Variants in ACSM2A observed in about 807,000 individuals in gnomAD.
ACSM2A encodes acyl-coenzyme A synthetase ACSM2A, mitochondrial.
In ACSM2A, 72 loss-of-function variants were observed where a neutral mutation model predicts 76.6. The observed-to-expected ratio is 0.94, with a 90% CI of 0.78 to 1.14. The LOEUF (loss-of-function observed/expected upper bound fraction) is 1.14, where lower values mean the gene tolerates loss of function less well. Ranked by LOEUF, ACSM2A falls within the 50% of genes most tolerant of loss-of-function variation. The pLI is 0.00. For missense variants in ACSM2A, 684 were observed against 708.5 expected (o/e 0.97, Z 0.39); for synonymous variants, 249 against 255.9 (o/e 0.97, Z 0.26).
chr16:20,458,599 T>A (rs1046396525), intron 1 of ACSM2A, among the ~76,000 whole-genome samples: 4 of 141,962 alleles, frequency 2.8e-5, no homozygotes, highest in African/African-American at 1.0e-4. Flanking sequence ...ATATATTTTT[T>A]ATATATATAT....
intron 6 of ACSM2A, among the ~76,000 whole-genome samples, chr16:20,474,865 A>G (rs1305468528): frequency 6.6e-6 from 1 of 152,212 alleles, no homozygotes; most frequent in Non-Finnish European, 1.5e-5. Context: ...TTGTTTTGAA[A>G]TGTCTATAGA....
In ACSM2A at chr16:20,480,445, G is replaced by C. The variant is rs2141757063; in HGVS notation, c.1282-128G>C. ...GGGTTGGCTGGTTCAGGGCATGTCT[G>C]CCATGTTCAGGTTATACACTGCACA... On this transcript the variant is annotated intron_variant, in intron 10 of 13. Transcript: ENST00000573854. The C allele has an allele frequency of 8.1e-6, 12 of 1,475,334 alleles. No individual in the cohort carries two copies. The African/African-American group carries it at 8.4e-5, about 10-fold the overall frequency. 91.4% of individuals were successfully genotyped at this position (1,475,334 alleles called of 1,614,324 possible).
At chr16:20,470,667 A>G (rs762442189) in intron 4 of ACSM2A, 5 of 378,544 alleles carry the variant, frequency 1.3e-5, no homozygotes, top group African/African-American at 2.1e-5. Flanking sequence ...GAAAACTTGT[A>G]TTAATTCCAC....
intron 3 of ACSM2A, among the ~76,000 whole-genome samples, chr16:20,467,207 T>C (rs2013052647): frequency 6.6e-6 from 1 of 152,158 alleles, no homozygotes; most frequent in Admixed American, 6.5e-5. Context: ...GTCCAGGCCA[T>C]AAAAGAAAGT....
chr16:20,482,158 A>T (rs1453476558), intron 12 of ACSM2A: 2 of 150,942 alleles, frequency 1.3e-5, no homozygotes, highest in African/African-American at 5.0e-5. Context: ...AAAAAAAAGA[A>T]AGAAAAAAAA....
At chr16:20,454,360 T>A (rs553196523) in intron 1 of ACSM2A, among the ~76,000 whole-genome samples, 80 of 151,750 alleles carry the variant, frequency 5.3e-4, no homozygotes, top group African/African-American at 1.1e-3. Flanking sequence ...GAAGCTGGGG[T>A]CACTGACTTT....
intron 1 of ACSM2A, among the ~76,000 whole-genome samples, chr16:20,454,608 GAA>G (rs1323492761): frequency 4.0e-5 from 6 of 151,842 alleles, no homozygotes; most frequent in Admixed American, 3.9e-4. Flanking sequence ...TAGGAAAAGG[GAA>G]AGAGTACTAC....
At chr16:20,485,106 T>C (rs1373582714) in intron 13 of ACSM2A, among the ~76,000 whole-genome samples, 2 of 152,180 alleles carry the variant, frequency 1.3e-5, no homozygotes, top group Middle Eastern at 3.2e-3. Context: ...TGAGTTCATT[T>C]AAGAAGGCAT....
rs564230077 is a variant in ACSM2A, at chr16:20,484,935, C to T, written c.1630-1639C>T. On this transcript the variant is annotated intron_variant, in intron 13 of 13. Transcript: ENST00000573854. ...TGCATATCAGAGTCCACCACATGGA[C>T]TTGCAGCCTCTGAGAATGAGGCAGC... Among the ~76,000 whole-genome samples the T allele has an allele frequency of 1.2e-3, 179 of 152,248 alleles. 1 individual carries two copies. Among genetic ancestry groups the T allele is most frequent in the African/African-American group, 4.0e-3 (166 of 41,526 alleles).
chr16:20,467,280 T>A (rs7195201), intron 3 of ACSM2A, among the ~76,000 whole-genome samples: 55,944 of 151,298 alleles, frequency 0.37, 11,575 homozygotes, highest in East Asian at 0.79. Context: ...CTTGTGGTCC[T>A]TGGTAAGAGT....
At position 20,464,111 on chromosome 16, in the gene ACSM2A, C is replaced by T. The variant is rs1485895852; in HGVS notation, c.178-1406C>T. ...TATTTGCATTTGAAATCTGGTCAGC[C>T]TGCATTTCATTGTCCATAATTCTAT... On this transcript the variant is annotated intron_variant, in intron 2 of 13. Transcript: ENST00000573854. 2.0e-5 allele frequency among the ~76,000 whole-genome samples: 3 copies of T among 152,180 alleles called. No individual in the cohort carries two copies. The East Asian group carries it at 5.8e-4, about 29-fold the overall frequency.
At chr16:20,465,359 A>G (rs1209577393) in intron 2 of ACSM2A, among the ~76,000 whole-genome samples, 158 bp from the exon 3 acceptor site, 5 of 152,208 alleles carry the variant, frequency 3.3e-5, no homozygotes, top group Non-Finnish European at 7.3e-5. Flanking sequence ...TCATATAAAT[A>G]ACAAGTCTTT....
chr16:20,475,540 G>C, intron 7 of ACSM2A, 99 bp downstream of exon 7: 4 of 1,603,748 alleles, frequency 2.5e-6, no homozygotes, highest in Non-Finnish European at 3.4e-6. Context: ...CGCACACAGA[G>C]AGCCCCATGA....
chr16:20,469,383 A>T, intron 3 of ACSM2A, 129 bp from the exon 4 acceptor site: 1 of 1,469,768 alleles, frequency 6.8e-7, no homozygotes, highest in Non-Finnish European at 9.0e-7. Context: ...TTTTATTGAC[A>T]CTCTCTATTG....
intron 1 of ACSM2A, among the ~76,000 whole-genome samples, chr16:20,454,642 A>C (rs1393105564): frequency 6.6e-6 from 1 of 151,948 alleles, no homozygotes; most frequent in Non-Finnish European, 1.5e-5. Flanking sequence ...ATCCCATGGG[A>C]AAAAAGAATC....
At position 20,464,120 on chromosome 16, in the gene ACSM2A, A is replaced by G. The variant is rs138506238; in HGVS notation, c.178-1397A>G. On this transcript the variant is annotated intron_variant, in intron 2 of 13. Transcript: ENST00000573854. Reference sequence around the variant, plus strand: ...TTGAAATCTGGTCAGCCTGCATTTCATTGTCCATAATTCTATCAGCATTTT... The same window carrying G: ...TTGAAATCTGGTCAGCCTGCATTTCGTTGTCCATAATTCTATCAGCATTTT... 9.5e-3 allele frequency among the ~76,000 whole-genome samples: 1,453 copies of G among 152,316 alleles called. 27 individuals are homozygous for G. Among genetic ancestry groups the G allele is most frequent in the Middle Eastern group, 0.024 (7 of 294 alleles).
At chr16:20,480,978 T>C (rs1457270388) in intron 12 of ACSM2A, 57 bp downstream of exon 12, 3 of 1,602,918 alleles carry the variant, frequency 1.9e-6, no homozygotes, top group African/African-American at 1.3e-5. Flanking sequence ...GGCAGTGTAG[T>C]ATGATGGTTT....
chr16:20,486,300 G>A (rs2014379803), intron 13 of ACSM2A, among the ~76,000 whole-genome samples: 2 of 152,352 alleles, frequency 1.3e-5, no homozygotes, highest in South Asian at 4.1e-4. Context: ...AGAGACTGAT[G>A]TCAAGGCTCA....
intron 2 of ACSM2A, among the ~76,000 whole-genome samples, chr16:20,462,942 C>T (rs1400322272): frequency 6.6e-6 from 1 of 151,558 alleles, no homozygotes; most frequent in Non-Finnish European, 1.5e-5. Context: ...AACAAATAGA[C>T]AAAAAATAAA....
Sources: allele counts gnomAD v4.1 joint callset (sites outside exome capture counted in the v4.1 genomes callset), GRCh38; gene constraint gnomAD v4.1.1; transcripts MANE v1.5; gene names NCBI Gene and HGNC (gene_info 2026-07-23, HGNC 2026-07-21).